The following GPM6B variants were observed in gnomAD, a reference collection of about 807,000 sequenced individuals.
The protein encoded by GPM6B is neuronal membrane glycoprotein M6-b.
Under a neutral mutation model 27.2 loss-of-function variants are expected in GPM6B, and 4 were observed. That is an observed-to-expected ratio of 0.15 (90% CI 0.07 to 0.34). The LOEUF (loss-of-function observed/expected upper bound fraction) is 0.34. Among genes scored for constraint, GPM6B ranks in the 10% least tolerant of loss-of-function variants. GPM6B has a pLI of 1.00. For missense variants in GPM6B, 183 were observed against 261.9 expected, an observed-to-expected ratio of 0.70 and a Z score of 2.08; for synonymous variants, 124 against 103.1, an observed-to-expected ratio of 1.20 and a Z score of -1.23.
At chrX:13,832,995 G>C in intron 1 of GPM6B, among the ~76,000 whole-genome samples, 1 of 111,956 alleles carries the variant, frequency 8.9e-6, no homozygotes, top group Non-Finnish European at 1.9e-5. Context: ...AGTTGGGCTT[G>C]GTGGCTCAGG....
At chrX:13,938,009 G>A (rs1358781416) in intron 1 of GPM6B, among the ~76,000 whole-genome samples, 2 of 111,571 alleles carry the variant, frequency 1.8e-5, no homozygotes, top group Non-Finnish European at 3.8e-5. Flanking sequence ...ATGAGCTCCC[G>A]GAAGACCCCA....
intron 1 of GPM6B, among the ~76,000 whole-genome samples, chrX:13,861,029 CACACACACACACACATATAT>C (rs1381897411): frequency 1.0e-3 from 86 of 84,466 alleles, no homozygotes; most frequent in Non-Finnish European, 1.2e-3. Flanking sequence ...CACACACACA[CACACACACACACACATATAT>C]ACATATATAT....
intron 1 of GPM6B, among the ~76,000 whole-genome samples, chrX:13,904,042 A>G (rs1256258992): frequency 9.0e-6 from 1 of 111,575 alleles, no homozygotes; most frequent in East Asian, 2.8e-4. Flanking sequence ...TGAACCCTCC[A>G]GATCTCCTTT....
At chrX:13,935,825 C>A (rs1255984166) in intron 1 of GPM6B, among the ~76,000 whole-genome samples, 1 of 112,292 alleles carries the variant, frequency 8.9e-6, no homozygotes, top group Non-Finnish European at 1.9e-5. Flanking sequence ...AACATGGAAC[C>A]CTTCAGCCAG....
At chrX:13,777,669 A>G (rs1469730261) in intron 5 of GPM6B, among the ~76,000 whole-genome samples, 2 of 112,588 alleles carry the variant, frequency 1.8e-5, no homozygotes. Context: ...TTTCCCCTAC[A>G]AATTGTGCTT....
At chrX:13,809,782 C>T (rs1307514456) in intron 1 of GPM6B, among the ~76,000 whole-genome samples, 1 of 109,906 alleles carries the variant, frequency 9.1e-6, no homozygotes. Flanking sequence ...ACTAAAAATA[C>T]AAAAATTAGC....
chrX:13,774,669 G>A (rs969390284), intron 7 of GPM6B: 4 of 1,018,036 alleles, frequency 3.9e-6, no homozygotes, highest in Middle Eastern at 2.5e-4. Flanking sequence ...CAGGCAGTGA[G>A]GGCCGATGCC....
intron 1 of GPM6B, among the ~76,000 whole-genome samples, chrX:13,880,744 A>G (rs1188527485): frequency 1.8e-5 from 2 of 108,972 alleles, no homozygotes; most frequent in African/African-American, 3.4e-5. Flanking sequence ...GGCTCTTAGA[A>G]TAAAATTTCA....
At chrX:13,778,015 T>C (rs1483853026) in intron 5 of GPM6B, among the ~76,000 whole-genome samples, 2 of 109,786 alleles carry the variant, frequency 1.8e-5, no homozygotes, top group Non-Finnish European at 3.8e-5. Flanking sequence ...CTTATAAACG[T>C]ATTAGAAAAT....
At chrX:13,857,127 G>A (rs1190502739) in intron 1 of GPM6B, among the ~76,000 whole-genome samples, 1 of 111,068 alleles carries the variant, frequency 9.0e-6, no homozygotes, top group African/African-American at 3.3e-5. Flanking sequence ...AGGATGCTGT[G>A]ATGACATTGG....
chrX:13,828,108 G>A (rs2049397570), intron 1 of GPM6B, among the ~76,000 whole-genome samples: 1 of 111,144 alleles, frequency 9.0e-6, no homozygotes, highest in African/African-American at 3.3e-5. Flanking sequence ...CCAGGGGTTG[G>A]TTATATTTTT....
intron 1 of GPM6B, among the ~76,000 whole-genome samples, chrX:13,927,851 T>C (rs181460545): frequency 1.6e-4 from 18 of 112,445 alleles, no homozygotes; most frequent in Admixed American, 4.7e-4. Context: ...TCCAGCTGTA[T>C]ACATGTTTTC....
chrX:13,868,508 T>C (rs1032731742), intron 1 of GPM6B, among the ~76,000 whole-genome samples: 1 of 112,139 alleles, frequency 8.9e-6, no homozygotes, highest in Non-Finnish European at 1.9e-5. Context: ...AAATCAGCTC[T>C]CACTAAAAGC....
chrX:13,856,980 C>T (rs932811667), intron 1 of GPM6B, among the ~76,000 whole-genome samples: 3 of 111,585 alleles, frequency 2.7e-5, no homozygotes, highest in Non-Finnish European at 5.6e-5. Flanking sequence ...AGCTTCTACT[C>T]GCCTCTTATA....
chrX:13,841,737 C>T (rs1040223516), intron 1 of GPM6B, among the ~76,000 whole-genome samples: 16 of 111,580 alleles, frequency 1.4e-4, no homozygotes, highest in Admixed American at 1.3e-3. Flanking sequence ...CCAGAACTAA[C>T]ACTTTCATGG....
At chrX:13,891,622 G>A (rs1291747164) in intron 1 of GPM6B, among the ~76,000 whole-genome samples, 2 of 112,366 alleles carry the variant, frequency 1.8e-5, no homozygotes, top group Non-Finnish European at 3.7e-5. Context: ...GCACTGCTAT[G>A]TGTCCGTGGG....
intron 1 of GPM6B, among the ~76,000 whole-genome samples, chrX:13,830,975 T>C (rs111418789): frequency 4.5e-5 from 5 of 110,790 alleles, no homozygotes; most frequent in African/African-American, 1.6e-4. Flanking sequence ...TGTGGTGGCA[T>C]GCTAATGCAA....
intron 1 of GPM6B, among the ~76,000 whole-genome samples, chrX:13,868,359 G>A (rs1267584153): frequency 8.9e-6 from 1 of 111,858 alleles, no homozygotes; most frequent in African/African-American, 3.2e-5. Context: ...GACAGAGTCT[G>A]TTTGGTTTCT....
chrX:13,893,387 G>A (rs1432299966), intron 1 of GPM6B, among the ~76,000 whole-genome samples: 2 of 98,004 alleles, frequency 2.0e-5, no homozygotes, highest in Admixed American at 1.2e-4. Context: ...AGCACGAGAC[G>A]GTGTGGTGGT....
Sources: allele counts gnomAD v4.1 joint callset (sites outside exome capture counted in the v4.1 genomes callset), GRCh38; gene constraint gnomAD v4.1.1; transcripts MANE v1.5; gene names NCBI Gene and HGNC (gene_info 2026-07-23, HGNC 2026-07-21).